Variants in GANAB observed in about 807,000 individuals in gnomAD.
The protein encoded by GANAB is neutral alpha-glucosidase AB.
GANAB carries 35 observed loss-of-function variants against 129.9 expected under a neutral mutation model. The observed-to-expected ratio is 0.27, with a 90% CI of 0.21 to 0.36. The LOEUF (loss-of-function observed/expected upper bound fraction) is 0.36. GANAB is among the 10% of genes least tolerant of loss of function. The pLI is 1.00. For missense variants in GANAB, 939 were observed against 1,221.0 expected, an observed-to-expected ratio of 0.77 and a Z score of 3.44; for synonymous variants, 482 against 451.8, an observed-to-expected ratio of 1.07 and a Z score of -0.85.
At chr11:62,630,907 T>C in intron 10 of GANAB, 71 bp from the exon 11 acceptor site, 1 of 1,500,736 alleles carries the variant, frequency 6.7e-7, no homozygotes, top group Non-Finnish European at 9.2e-7. Flanking sequence ...GGGAGGCTTG[T>C]GAACTAGAGG....
At chr11:62,640,592 G>C (rs113281594) in intron 1 of GANAB, among the ~76,000 whole-genome samples, 32 of 147,404 alleles carry the variant, frequency 2.2e-4, no homozygotes, top group African/African-American at 8.0e-4. Context: ...CCAGCACTTA[G>C]GGAGGCCAAG....
At chr11:62,628,670 G>C (rs1943516571) in intron 17 of GANAB, 99 bp downstream of exon 17, 3 of 1,219,780 alleles carry the variant, frequency 2.5e-6, no homozygotes, top group Non-Finnish European at 3.6e-6. Context: ...TCCTTTACAA[G>C]GCTGTAGTGA....
At chr11:62,627,250 C>G in intron 18 of GANAB, 39 bp downstream of exon 18, 1 of 1,457,854 alleles carries the variant, frequency 6.9e-7, no homozygotes, top group Non-Finnish European at 9.6e-7. Flanking sequence ...TGCTGCTTGG[C>G]CCAAAGCCAA....
Position 62,626,125 on chromosome 11 carries a change from T to A in GANAB, c.2665A>T (p.Ile889Phe). Residue 889 changes from isoleucine to phenylalanine, a missense_variant, in exon 23 of 24, where the codon ATT becomes TTT. This residue lies in a region of GANAB where 230 missense variants were observed against 259.9 expected (regional missense o/e 0.89). Transcript: ENST00000356638. The part of the protein sequence containing the change: ...PEGHFETPIW[I>F]ERVVIIGAGK... Reference sequence around the variant, plus strand: ...GCCCCTATTATCACCACCCGCTCAATCCAGATTGGTGTCTCAAAGTGTCCT... The same window carrying A: ...GCCCCTATTATCACCACCCGCTCAAACCAGATTGGTGTCTCAAAGTGTCCT... The A allele has an allele frequency of 2.5e-6, 4 of 1,613,910 alleles. No individual in the cohort carries two copies. In the South Asian group the frequency reaches 4.4e-5, roughly 18 times the overall value.
rs762279535 is a variant in GANAB at position 62,639,048 on chromosome 11, C to T, written c.315G>A (p.Glu105=). The change falls in exon 4 of 24, where the codon GAG becomes GAA. Residue 105 remains glutamate (E), a synonymous_variant. Transcript: ENST00000356638. ...GGTATCGGGGTCGCCGAGGCTCCAG[C>T]TCATCAATCCTGAACCGAGTCATGT... ...QKNMTRFRID[E]LEPRRPRYRV... is the part of the protein sequence containing the mutation. 4 of 1,613,756 alleles carry T rather than the reference C, an allele frequency of 2.5e-6. No homozygotes were observed. The African/African-American group carries it at 5.3e-5, about 22-fold the overall frequency.
rs558003821 is a variant in GANAB at position 62,640,528 on chromosome 11, A to G, written c.39-797T>C. Among the ~76,000 whole-genome samples, 150 of 52,086 alleles carry G rather than the reference A, an allele frequency of 2.9e-3. 1 individual carries two copies. The highest frequency in any genetic ancestry group is 0.01 in the African/African-American group (140 of 13,590). The allele number at this position is 52,086 out of a possible 152,430, so 34.2% of individuals were successfully genotyped here. On this transcript the variant is annotated intron_variant, in intron 1 of 23. Coordinates refer to ENST00000356638, the MANE Select transcript of GANAB (RefSeq NM_198334.3). ...AGCCTGGGTGACAGAGTGAGACTCC[A>G]TCTCCAAAAAAAAAAAAAAAAAGGG...
At chr11:62,629,761 G>A in intron 14 of GANAB, 53 bp downstream of exon 14, 1 of 1,610,296 alleles carries the variant, frequency 6.2e-7, no homozygotes, top group Non-Finnish European at 8.5e-7. Context: ...TAGGCCCTCA[G>A]TCTCTGGGCT....
Position 62,625,079 on chromosome 11 carries a change from C to T in GANAB, c.*736G>A. 2.7e-6 allele frequency: 1 copy of T among 363,974 alleles called. No individual in the cohort carries two copies. Among genetic ancestry groups the T allele is most frequent in the Non-Finnish European group, 5.3e-6 (1 of 187,288 alleles). The allele number at this position is 363,974 out of a possible 1,614,324, so 22.5% of individuals were successfully genotyped here. A position where few individuals can be genotyped will look rare whatever the true frequency, so the allele number is the denominator to read the frequency against. ...ACAACTGATTTCTCCATCTTAAGTG[C>T]CCCTCAAAGGGGACAAGAAGGGGGC... On this transcript the variant is annotated 3_prime_UTR_variant, in exon 24 of 24. Coordinates refer to ENST00000356638, the MANE Select transcript of GANAB (RefSeq NM_198334.3).
intron 9 of GANAB, 141 bp downstream of exon 9, chr11:62,632,424 T>C (rs775883666): frequency 6.0e-6 from 4 of 670,294 alleles, no homozygotes; most frequent in East Asian, 2.5e-5. Context: ...TGGGAGTGAT[T>C]AGGGAACTCA....
In GANAB at chr11:62,626,068, T is replaced by C. The variant is rs1341621206; in HGVS notation, c.2722A>G (p.Lys908Glu). The change falls in exon 23 of 24, where the codon AAA (lysine) becomes GAA (glutamate). Residue 908 changes from lysine (K) to glutamate (E), a missense_variant. Lys to Glu is a moderately conservative substitution (Grantham distance 56). Around this residue, in one of 5 missense-constraint regions of GANAB, gnomAD observed 230 missense variants for 259.9 expected, o/e 0.89. Transcript: ENST00000356638. ...AGGGGCCAGATTGGTCACTCACCTT[T>C]TGTCTGGAGTACCACAGCTGCTGGC... ...GKPAAVVLQT[K>E]GSPESRLSFQ... The C allele has an allele frequency of 1.2e-6, 2 of 1,609,878 alleles. No individual in the cohort carries two copies. The highest frequency in any genetic ancestry group is 4.5e-5 in the East Asian group (2 of 44,870).
intron 5 of GANAB, 28 bp from the exon 6 acceptor site, chr11:62,633,542 A>G: frequency 6.2e-7 from 1 of 1,601,648 alleles, no homozygotes; most frequent in East Asian, 2.2e-5. Flanking sequence ...TGTCTGCTCC[A>G]ATCCAGAGGG....
chr11:62,639,866 A>G, intron 1 of GANAB, 135 bp from the exon 2 acceptor site: 1 of 648,214 alleles, frequency 1.5e-6, no homozygotes, highest in Non-Finnish European at 2.8e-6. Flanking sequence ...AGTCACATCA[A>G]ATACAAAACA....
chr11:62,638,980 T>C lies in GANAB; in HGVS notation c.380+3A>G. On this transcript the variant is annotated splice_donor_region_variant and intron_variant, in intron 4 of 23. Coordinates refer to ENST00000356638, the MANE Select transcript of GANAB (RefSeq NM_198334.3). ...AAATGGATGTTTCTCAGGAAAAATT[T>C]ACCGGGCTATTGGTGGATCAGCCAC... The C allele has an allele frequency of 6.2e-7, 1 of 1,612,526 alleles. No homozygotes were observed. The highest frequency in any genetic ancestry group is 8.5e-7 in the Non-Finnish European group (1 of 1,179,018).
intron 1 of GANAB, among the ~76,000 whole-genome samples, chr11:62,645,820 T>A (rs914213685): frequency 4.6e-5 from 7 of 152,196 alleles, no homozygotes; most frequent in African/African-American, 1.7e-4. Flanking sequence ...CACGCTTTCT[T>A]CATCGCTTTG....
rs749238038 is a variant in GANAB, at chr11:62,630,470, G to A, written c.1422C>T (p.Asp474=). 32 of 1,614,044 alleles carry A rather than the reference G, an allele frequency of 2.0e-5. No homozygotes were observed. Among genetic ancestry groups the A allele is most frequent in the Non-Finnish European group, 2.6e-5 (31 of 1,180,038 alleles). The change falls in exon 12 of 24, where the codon GAC becomes GAT. Residue 474 remains aspartate, a synonymous_variant. Transcript: ENST00000356638. ...VAIVDPHIKV[D]SGYRVHEELR... ...GCTCCTCGTGAACTCGGTAGCCGGA[G>A]TCCACCTTGATGTGGGGGTCTACGA...
chr11:62,640,175 T>G (rs1264713233), intron 1 of GANAB: 1 of 127,398 alleles, frequency 7.8e-6, no homozygotes, highest in Non-Finnish European at 1.5e-5. Flanking sequence ...AGGCGGAGCT[T>G]ACAGTGAGCC....
intron 18 of GANAB, 63 bp from the exon 19 acceptor site, chr11:62,627,187 G>C (rs375923197): frequency 1.3e-6 from 2 of 1,482,926 alleles, no homozygotes; most frequent in Admixed American, 3.3e-5. Context: ...GAACACCAAA[G>C]TGCCTGCCCT....
At chr11:62,646,461 C>T in intron 1 of GANAB, 101 bp downstream of exon 1, 2 of 1,355,544 alleles carry the variant, frequency 1.5e-6, no homozygotes, top group East Asian at 2.4e-5. Flanking sequence ...CTCACGAGGC[C>T]GGGGGTGGCA....
intron 1 of GANAB, among the ~76,000 whole-genome samples, chr11:62,645,564 G>A (rs1302401441): frequency 1.3e-5 from 2 of 151,024 alleles, no homozygotes; most frequent in Non-Finnish European, 2.9e-5. Context: ...GACGTACAGT[G>A]AGTTAAATAC....
Sources: gnomAD v4.1 joint callset for allele counts (sites outside exome capture counted in the v4.1 genomes callset) on GRCh38, gnomAD v4.1.1 for gene constraint, gnomAD v4.1.1 regional missense constraint, MANE v1.5 for transcripts, NCBI Gene and HGNC (gene_info 2026-07-23, HGNC 2026-07-21) for gene names.